DENND2B: variants seen among roughly 807,000 people sequenced by gnomAD.
The protein encoded by DENND2B is DENN domain-containing protein 2B.
DENND2B carries 32 observed loss-of-function variants against 116.0 expected under a neutral mutation model. That is an observed-to-expected ratio of 0.28 (90% CI 0.21 to 0.37). The LOEUF is 0.37. Ranked by LOEUF, DENND2B falls within the 10% of genes least tolerant of loss-of-function variation. The probability of loss-of-function intolerance (pLI) is 1.00; values close to 1 mark genes in which losing one functional copy is unlikely to be tolerated. For synonymous variants in DENND2B, 588 were observed against 583.9 expected, an observed-to-expected ratio of 1.01 and a Z score of -0.10; for missense variants, 1,276 against 1,477.7, an observed-to-expected ratio of 0.86 and a Z score of 2.24.
intron 4 of DENND2B, among the ~76,000 whole-genome samples, chr11:8,821,978 CA>C (rs1486925384): frequency 6.6e-6 from 1 of 152,006 alleles, no homozygotes; most frequent in African/African-American, 2.4e-5. Flanking sequence ...TTTTTGTAGA[CA>C]GGGGGTTTTG....
At chr11:8,854,811 C>G (rs545639438) in intron 3 of DENND2B, among the ~76,000 whole-genome samples, 1 of 152,314 alleles carries the variant, frequency 6.6e-6, no homozygotes, top group East Asian at 1.9e-4. Context: ...CACCCAGGTT[C>G]AACCGATTCT....
chr11:8,772,545 T>C (rs557217954), intron 1 of DENND2B, among the ~76,000 whole-genome samples: 21 of 151,972 alleles, frequency 1.4e-4, no homozygotes, highest in Non-Finnish European at 2.6e-4. Context: ...CCCCACACAT[T>C]TGGTGTCAGG....
intron 1 of DENND2B, among the ~76,000 whole-genome samples, chr11:8,769,918 C>G (rs1464405829): frequency 6.6e-6 from 1 of 152,170 alleles, no homozygotes; most frequent in Non-Finnish European, 1.5e-5. Context: ...ATCACCTGAA[C>G]CCAGGAGTTC....
At chr11:8,877,172 C>T (rs1484042448) in intron 2 of DENND2B, among the ~76,000 whole-genome samples, 1 of 136,364 alleles carries the variant, frequency 7.3e-6, no homozygotes, top group Non-Finnish European at 1.5e-5. Context: ...GGTGCGATCT[C>T]GGCTCACTGC....
intron 2 of DENND2B, among the ~76,000 whole-genome samples, chr11:8,741,747 G>A (rs921109805): frequency 2.0e-5 from 3 of 152,154 alleles, no homozygotes; most frequent in Admixed American, 6.5e-5. Flanking sequence ...CCCAGGCCAC[G>A]TGGAAAGGGT....
At chr11:8,854,753 C>A (rs1209934313) in intron 3 of DENND2B, among the ~76,000 whole-genome samples, 2 of 152,118 alleles carry the variant, frequency 1.3e-5, no homozygotes, top group African/African-American at 4.8e-5. Context: ...CACTCTGCCA[C>A]CCAGGCTGGA....
At chr11:8,864,136 G>A (rs1242385546) in intron 2 of DENND2B, among the ~76,000 whole-genome samples, 3 of 152,178 alleles carry the variant, frequency 2.0e-5, no homozygotes, top group Non-Finnish European at 2.9e-5. Context: ...CCCACATGAT[G>A]AGCCTTAACA....
chr11:8,759,423 G>C (rs1284669414), intron 1 of DENND2B, among the ~76,000 whole-genome samples: 5 of 152,158 alleles, frequency 3.3e-5, no homozygotes, highest in Non-Finnish European at 5.9e-5. Context: ...CGTAAACATT[G>C]CCCAGCACTC....
chr11:8,886,178 T>C (rs2063958759), intron 1 of DENND2B, among the ~76,000 whole-genome samples: 1 of 152,076 alleles, frequency 6.6e-6, no homozygotes, highest in African/African-American at 2.4e-5. Flanking sequence ...CAAGCAATCC[T>C]CCCACCTCAG....
At chr11:8,866,951 C>G (rs970290447) in intron 2 of DENND2B, among the ~76,000 whole-genome samples, 6 of 152,062 alleles carry the variant, frequency 3.9e-5, no homozygotes, top group Non-Finnish European at 5.9e-5. Context: ...GTGTGGAGAA[C>G]CGAGATCATA....
chr11:8,777,046 A>G (rs905273789), intron 1 of DENND2B, among the ~76,000 whole-genome samples: 1 of 152,216 alleles, frequency 6.6e-6, no homozygotes, highest in Non-Finnish European at 1.5e-5. Context: ...TGGGCTTGCT[A>G]TTATTATAGG....
chr11:8,866,208 C>T (rs1442533155), intron 2 of DENND2B, among the ~76,000 whole-genome samples: 1 of 152,200 alleles, frequency 6.6e-6, no homozygotes, highest in African/African-American at 2.4e-5. Flanking sequence ...ATCCGCCTGC[C>T]TCGGCCTCCC....
At chr11:8,713,585 T>G (rs1303003808) in intron 8 of DENND2B, among the ~76,000 whole-genome samples, 1 of 152,160 alleles carries the variant, frequency 6.6e-6, no homozygotes, top group Non-Finnish European at 1.5e-5. Context: ...TTTCACCATC[T>G]TAGCCAGGCT....
At position 8,729,774 on chromosome 11, in the gene DENND2B, TAAGAGC is replaced by T. The variant is rs1005914842; in HGVS notation, c.1340+170_1340+175del. Among the ~76,000 whole-genome samples, 164 of 152,338 alleles carry T rather than the reference TAAGAGC, an allele frequency of 1.1e-3. 1 individual carries two copies. Among genetic ancestry groups the T allele is most frequent in the African/African-American group, 3.7e-3 (155 of 41,574 alleles). On this transcript the variant is annotated intron_variant, in intron 3 of 19. Coordinates refer to ENST00000313726, the MANE Select transcript of DENND2B (RefSeq NM_213618.2). ...TTCCCACTCATGTCCAAGTATCTTG[TAAGAGC>T]AGAACAATCTCATTTTTCACTACCA... is the stretch of plus-strand genomic sequence containing the variant.
At chr11:8,701,822 A>G (rs772333478) in intron 14 of DENND2B, among the ~76,000 whole-genome samples, 2 of 151,848 alleles carry the variant, frequency 1.3e-5, no homozygotes, top group African/African-American at 2.4e-5. Context: ...CCACCACCAG[A>G]CCTTCTCGAC....
At chr11:8,892,637 G>C (rs2064048558) in intron 1 of DENND2B, among the ~76,000 whole-genome samples, 1 of 152,138 alleles carries the variant, frequency 6.6e-6, no homozygotes, top group Non-Finnish European at 1.5e-5. Flanking sequence ...AAATAAACTA[G>C]AAAATCTAGA....
chr11:8,714,974 G>A (rs2044459350), intron 6 of DENND2B, among the ~76,000 whole-genome samples: 1 of 152,190 alleles, frequency 6.6e-6, no homozygotes, highest in Non-Finnish European at 1.5e-5. Context: ...GGAAGGAACT[G>A]TGATCAAACT....
chr11:8,771,479 T>C (rs941930291), intron 1 of DENND2B, among the ~76,000 whole-genome samples: 1 of 150,808 alleles, frequency 6.6e-6, no homozygotes, highest in African/African-American at 2.5e-5. Flanking sequence ...TGAATATATA[T>C]AGATATCTCT....
rs557662454 is a variant in DENND2B at position 8,751,588 on chromosome 11, C to T, written c.-25-863G>A. On this transcript the variant is annotated intron_variant, in intron 1 of 19. Coordinates refer to ENST00000313726, the MANE Select transcript of DENND2B (RefSeq NM_213618.2). ...CGAACCTACCAGAAGGAAAAAACTC[C>T]GAACACATCCGAACATCAGAAGGAA... Among the ~76,000 whole-genome samples the T allele has an allele frequency of 1.6e-4, 23 of 142,676 alleles. No individual in the cohort carries two copies. The South Asian group carries it at 4.0e-3, about 25-fold the overall frequency. 93.6% of individuals were successfully genotyped at this position (142,676 alleles called of 152,430 possible).
Sources: gnomAD v4.1 joint callset for allele counts (sites outside exome capture counted in the v4.1 genomes callset) on GRCh38, gnomAD v4.1.1 for gene constraint, MANE v1.5 for transcripts, NCBI Gene and HGNC (gene_info 2026-07-23, HGNC 2026-07-21) for gene names.